Variants in C21orf91 observed in about 807,000 individuals in gnomAD.
The protein encoded by C21orf91 is protein EURL homolog.
In C21orf91, 26 loss-of-function variants were observed where a neutral mutation model predicts 32.9. The ratio of observed to expected loss-of-function variants is 0.79; its 90% confidence interval spans 0.58 to 1.10. The LOEUF (loss-of-function observed/expected upper bound fraction) is 1.10. C21orf91 is among the 50% of genes least tolerant of loss of function. The pLI, the probability that C21orf91 is intolerant of heterozygous loss-of-function variation, is 0.00. For synonymous variants in C21orf91, 126 were observed against 120.4 expected, an observed-to-expected ratio of 1.05 and a Z score of -0.31; for missense variants, 310 against 341.3, an observed-to-expected ratio of 0.91 and a Z score of 0.72.
intron 4 of C21orf91, 100 bp from the exon 5 acceptor site, chr21:17,793,681 T>A: frequency 1.4e-6 from 1 of 736,772 alleles, no homozygotes; most frequent in South Asian, 1.8e-5. Context: ...TTGGGCAAAG[T>A]GTCACAATGA....
chr21:17,818,481 T>C lies in C21orf91; in HGVS notation c.-7-156A>G, dbSNP rs150909465. On this transcript the variant is annotated intron_variant, in intron 1 of 4. Coordinates refer to ENST00000284881, the MANE Select transcript of C21orf91 (RefSeq NM_001100420.2). ...GCATCGCCATACTTGCACTCCAACA[T>C]TGCACTTTTCCTGTGGAAAGACACA... is the stretch of plus-strand genomic sequence containing the variant. Among the ~76,000 whole-genome samples, 603 of 152,334 alleles carry C rather than the reference T, an allele frequency of 4.0e-3. 3 individuals are homozygous for C. Among genetic ancestry groups the C allele is most frequent in the African/African-American group, 0.014 (583 of 41,584 alleles).
Position 17,797,104 on chromosome 21 carries a change from C to A in C21orf91, c.142G>T (p.Asp48Tyr). Residue 48 changes from aspartate to tyrosine, a missense_variant, in exon 3 of 5, where the codon GAT becomes TAT. Physicochemically the swap from Asp to Tyr is radical, Grantham distance 160. Transcript: ENST00000284881. ...ELNIEGVPKS[D>Y]LLHTKSLRGH... The stretch of plus-strand genomic sequence containing the variant: ...CTTAATGATTTGGTGTGCAAGAGAT[C>A]AGACTTTGGTACCCCTATGGAAAAA... The A allele has an allele frequency of 1.3e-6, 2 of 1,587,404 alleles. No homozygotes were observed. Among genetic ancestry groups the A allele is most frequent in the South Asian group, 2.3e-5 (2 of 87,350 alleles).
intron 2 of C21orf91, among the ~76,000 whole-genome samples, chr21:17,802,438 TGTGGCGTGTAATCCTGGGATCACA>T (rs1281841305): frequency 1.3e-5 from 2 of 152,184 alleles, no homozygotes; most frequent in Non-Finnish European, 2.9e-5. Flanking sequence ...TGGGATTACA[TGTGGCGTGTAATCCTGGGATCACA>T]GTGGCGTGAG....
chr21:17,793,482 C>A lies in C21orf91; in HGVS notation c.827G>T (p.Cys276Phe), dbSNP rs2062493538. 6.2e-7 allele frequency: 1 copy of A among 1,613,586 alleles called. No individual in the cohort carries two copies. The highest frequency in any genetic ancestry group is 8.5e-7 in the Non-Finnish European group (1 of 1,179,732). ...TACTTGCAGACATGGTAACTTAGAACAGTTCTTCAGAAGCTGTTCGATGGC... is the reference window on the plus strand; with the variant it reads ...TACTTGCAGACATGGTAACTTAGAAAAGTTCTTCAGAAGCTGTTCGATGGC... The part of the protein sequence containing the change: ...HVAIEQLLKN[C>F]SKLPCLQVGR... The change falls in exon 5 of 5, where the codon TGT (cysteine) becomes TTT (phenylalanine). Residue 276 changes from cysteine (C) to phenylalanine (F), a missense_variant. Physicochemically the swap from Cys to Phe is radical, Grantham distance 205. Coordinates refer to ENST00000284881, the MANE Select transcript of C21orf91 (RefSeq NM_001100420.2).
At chr21:17,812,753 G>A (rs537393095) in intron 2 of C21orf91, among the ~76,000 whole-genome samples, 236 of 152,040 alleles carry the variant, frequency 1.6e-3, no homozygotes, top group African/African-American at 5.4e-3. Context: ...AGCTTGCAGT[G>A]AGCCGAGACT....
chr21:17,803,239 G>C (rs537873050), intron 2 of C21orf91, among the ~76,000 whole-genome samples: 4 of 152,074 alleles, frequency 2.6e-5, no homozygotes, highest in Non-Finnish European at 4.4e-5. Flanking sequence ...AATATTTTTT[G>C]GCCAGGTGTG....
At chr21:17,797,626 A>G (rs2062529704) in intron 2 of C21orf91, among the ~76,000 whole-genome samples, 1 of 151,464 alleles carries the variant, frequency 6.6e-6, no homozygotes, top group Non-Finnish European at 1.5e-5. Context: ...TAAAAGTCAA[A>G]AATTCAATAA....
intron 2 of C21orf91, among the ~76,000 whole-genome samples, chr21:17,814,129 C>T (rs541408941): frequency 6.6e-6 from 1 of 152,238 alleles, no homozygotes; most frequent in South Asian, 2.1e-4. Flanking sequence ...TATGAACCAA[C>T]AGTATTGAAA....
intron 2 of C21orf91, among the ~76,000 whole-genome samples, chr21:17,802,317 C>G (rs1309098282): frequency 6.6e-6 from 1 of 152,186 alleles, no homozygotes; most frequent in Non-Finnish European, 1.5e-5. Context: ...CGCACCACCA[C>G]ACGTGGTTAA....
intron 2 of C21orf91, chr21:17,810,569 T>C (rs1288522145): frequency 1.3e-5 from 2 of 152,250 alleles, no homozygotes; most frequent in African/African-American, 4.8e-5. Flanking sequence ...GGTGCCGACA[T>C]CTTCACCTGT....
At position 17,792,341 on chromosome 21, in the gene C21orf91, C is replaced by T. The variant is rs1009009800; in HGVS notation, c.*1074G>A. ...TTCTGTAGAACAATCCTATATTTCT[C>T]TATAGAGTCTAAAGTTTAGAAAAAT... On this transcript the variant is annotated 3_prime_UTR_variant, in exon 5 of 5. Transcript: ENST00000284881. 5 of 151,946 alleles carry T rather than the reference C, an allele frequency of 3.3e-5. No homozygotes were observed. The highest frequency in any genetic ancestry group is 3.3e-4 in the Admixed American group (5 of 15,238). 9.4% of individuals were successfully genotyped at this position (151,946 alleles called of 1,614,324 possible). A position where few individuals can be genotyped will look rare whatever the true frequency, so the allele number is the denominator to read the frequency against.
At chr21:17,799,380 A>C (rs1038786256) in intron 2 of C21orf91, among the ~76,000 whole-genome samples, 3 of 152,050 alleles carry the variant, frequency 2.0e-5, no homozygotes, top group African/African-American at 4.8e-5. Flanking sequence ...TAACTCCTTT[A>C]TCTCTCTCAC....
chr21:17,807,279 TAA>T (rs376441714), intron 2 of C21orf91, among the ~76,000 whole-genome samples: 9 of 152,154 alleles, frequency 5.9e-5, no homozygotes, highest in South Asian at 2.1e-4. Flanking sequence ...TCTGGTTGTT[TAA>T]AAGTGTGTAA....
intron 4 of C21orf91, among the ~76,000 whole-genome samples, chr21:17,794,479 G>C (rs1225257258): frequency 7.9e-5 from 12 of 152,188 alleles, no homozygotes; most frequent in African/African-American, 2.9e-4. Context: ...TGTTAGCTAG[G>C]ATTTGTTTGA....
At chr21:17,813,108 T>C (rs1407565877) in intron 2 of C21orf91, among the ~76,000 whole-genome samples, 1 of 152,244 alleles carries the variant, frequency 6.6e-6, no homozygotes, top group Non-Finnish European at 1.5e-5. Flanking sequence ...TTTTAGTTAA[T>C]ACATGATGTT....
intron 2 of C21orf91, among the ~76,000 whole-genome samples, chr21:17,797,724 A>C (rs997537078): frequency 3.9e-5 from 6 of 151,966 alleles, no homozygotes; most frequent in African/African-American, 1.4e-4. Context: ...TATCAAGATA[A>C]TTTTATTTTC....
rs200103095 is a variant in C21orf91, at chr21:17,793,502, G to T, written c.807C>A (p.Ile269=). Residue 269 remains isoleucine, a synonymous_variant, in exon 5 of 5, where the codon ATC becomes ATA. Coordinates refer to ENST00000284881, the MANE Select transcript of C21orf91 (RefSeq NM_001100420.2). ...TAGAACAGTTCTTCAGAAGCTGTTCGATGGCAACGTGGCGGACATGGAGCT... is the reference window on the plus strand; with the variant it reads ...TAGAACAGTTCTTCAGAAGCTGTTCTATGGCAACGTGGCGGACATGGAGCT... ...ASQLHVRHVA[I]EQLLKNCSKL... 1 of 1,613,336 alleles carries T rather than the reference G, an allele frequency of 6.2e-7. No individual in the cohort carries two copies. Among genetic ancestry groups the T allele is most frequent in the African/African-American group, 1.3e-5 (1 of 74,902 alleles).
intron 2 of C21orf91, chr21:17,811,582 G>GT (rs1304350694): frequency 6.6e-6 from 1 of 152,122 alleles, no homozygotes; most frequent in East Asian, 1.9e-4. Context: ...CTCTTTATCA[G>GT]TTTTCCAGTA....
chr21:17,814,904 A>G (rs182735949), intron 2 of C21orf91, among the ~76,000 whole-genome samples: 34 of 152,362 alleles, frequency 2.2e-4, no homozygotes, highest in Non-Finnish European at 3.2e-4. Context: ...CCTTGTGAAC[A>G]TTAAAAAATA....
Sources: gnomAD v4.1 joint callset for allele counts (sites outside exome capture counted in the v4.1 genomes callset) on GRCh38, gnomAD v4.1.1 for gene constraint, MANE v1.5 for transcripts, NCBI Gene and HGNC (gene_info 2026-07-23, HGNC 2026-07-21) for gene names.